Variants in RFX2 observed in about 807,000 individuals in gnomAD.
The protein encoded by RFX2 is DNA-binding protein RFX2.
RFX2 carries 20 observed loss-of-function variants against 87.8 expected under a neutral mutation model. The ratio of observed to expected loss-of-function variants is 0.23; its 90% CI spans 0.16 to 0.33. The LOEUF is 0.33. Ranked by LOEUF, RFX2 falls within the 10% of genes least tolerant of loss-of-function variation. The pLI, the probability that RFX2 is intolerant of heterozygous loss-of-function variation, is 1.00. For missense variants in RFX2, 767 were observed against 1,012.3 expected, an observed-to-expected ratio of 0.76 and a Z score of 3.29; for synonymous variants, 397 against 431.3, an observed-to-expected ratio of 0.92 and a Z score of 0.98.
Position 6,064,177 on chromosome 19 carries a change from C to A in RFX2, c.-8-16673G>T, listed in dbSNP as rs369974951. Among the ~76,000 whole-genome samples, 7 of 152,324 alleles carry A rather than the reference C, an allele frequency of 4.6e-5. No individual in the cohort carries two copies. In the South Asian group the frequency reaches 8.3e-4, roughly 18 times the overall value. On this transcript the variant is annotated intron_variant, in intron 1 of 17. Coordinates refer to ENST00000303657, the MANE Select transcript of RFX2 (RefSeq NM_000635.4). The surrounding 1 kb of genome is among the most constrained non-coding windows in gnomAD (Gnocchi z 4.8). ...GCAATGAACAAGAGAATGAGCAGCC[C>A]GCCTGCTCCGGGCTGCTCACCTGTT...
intron 5 of RFX2, among the ~76,000 whole-genome samples, chr19:6,038,833 G>A (rs2087060840): frequency 6.6e-6 from 1 of 152,228 alleles, no homozygotes; most frequent in Non-Finnish European, 1.5e-5. Flanking sequence ...AAATGCTGCT[G>A]ACGGAGAGGA....
At chr19:6,108,617 GCCT>G (rs1365136920) in intron 1 of RFX2, among the ~76,000 whole-genome samples, 1 of 152,176 alleles carries the variant, frequency 6.6e-6, no homozygotes, top group Non-Finnish European at 1.5e-5. Context: ...ACTCATCGAA[GCCT>G]GCGCTGGTCA....
intron 17 of RFX2, among the ~76,000 whole-genome samples, chr19:5,995,266 C>T (rs1030083329): frequency 2.6e-5 from 4 of 152,150 alleles, no homozygotes; most frequent in African/African-American, 4.8e-5. Context: ...GGGACAGAGA[C>T]GGGGCCCGGG....
chr19:6,000,728 C>A (rs1481723103), intron 15 of RFX2, among the ~76,000 whole-genome samples: 1 of 152,220 alleles, frequency 6.6e-6, no homozygotes, highest in East Asian at 1.9e-4. Flanking sequence ...AACTGTGAGT[C>A]CATTCAACCT....
intron 1 of RFX2, among the ~76,000 whole-genome samples, chr19:6,078,904 T>G (rs2087734805): frequency 6.6e-6 from 1 of 152,214 alleles, no homozygotes; most frequent in Non-Finnish European, 1.5e-5. Flanking sequence ...GCCTCCCAAG[T>G]AGCTGGGATT....
intron 12 of RFX2, among the ~76,000 whole-genome samples, chr19:6,006,449 A>G (rs1377800523): frequency 7.1e-6 from 1 of 141,602 alleles, no homozygotes; most frequent in Non-Finnish European, 1.5e-5. Context: ...ACACACCACC[A>G]TGCCCAGCTC....
At chr19:6,042,934 A>C (rs2087131793) in intron 3 of RFX2, among the ~76,000 whole-genome samples, 1 of 152,192 alleles carries the variant, frequency 6.6e-6, no homozygotes, top group African/African-American at 2.4e-5. Flanking sequence ...AGGGCCACAG[A>C]AGTGGGCTTG....
intron 1 of RFX2, among the ~76,000 whole-genome samples, chr19:6,077,655 C>A (rs1037718548): frequency 2.0e-5 from 3 of 152,166 alleles, no homozygotes; most frequent in Non-Finnish European, 2.9e-5. Flanking sequence ...CCCAAAGTAG[C>A]AACAGCCCAA....
chr19:6,042,482 T>C (rs887928433), intron 3 of RFX2, among the ~76,000 whole-genome samples: 17 of 151,672 alleles, frequency 1.1e-4, no homozygotes, highest in African/African-American at 4.1e-4. Context: ...CTCACAGGAC[T>C]GTCCCTGGTT....
At chr19:6,082,049 T>G (rs899989597) in intron 1 of RFX2, among the ~76,000 whole-genome samples, 1 of 152,132 alleles carries the variant, frequency 6.6e-6, no homozygotes, top group Admixed American at 6.5e-5. Flanking sequence ...ATCATGCCAC[T>G]GCACTCCAGC....
chr19:5,995,984 G>A lies in RFX2; in HGVS notation c.2014-341C>T, dbSNP rs115543447. Among the ~76,000 whole-genome samples the A allele has an allele frequency of 6.2e-3, 945 of 152,340 alleles. 13 individuals carry two copies. The highest frequency in any genetic ancestry group is 0.022 in the African/African-American group (910 of 41,564). On this transcript the variant is annotated intron_variant, in intron 16 of 17. Coordinates refer to ENST00000303657, the MANE Select transcript of RFX2 (RefSeq NM_000635.4). ...GGCCAAATTATCTTTGCTCCCTGAA[G>A]TCTGTACACAGCAGGAAAACCACTC...
rs78954736 is a variant in RFX2 at position 6,064,591 on chromosome 19, C to T, written c.-8-17087G>A. Among the ~76,000 whole-genome samples, 2 of 152,298 alleles carry T rather than the reference C, an allele frequency of 1.3e-5. No homozygotes were observed. Among genetic ancestry groups the T allele is most frequent in the East Asian group, 1.9e-4 (1 of 5,184 alleles). ...GCTTTCTCAGCCTGGTGACCTGACCCGGCAGCACGCCCACTGGGCACCTGT... is the reference window on the plus strand; with the variant it reads ...GCTTTCTCAGCCTGGTGACCTGACCTGGCAGCACGCCCACTGGGCACCTGT... On this transcript the variant is annotated intron_variant, in intron 1 of 17. Coordinates refer to ENST00000303657, the MANE Select transcript of RFX2 (RefSeq NM_000635.4). This position sits in a 1 kb window ranked among gnomAD's most constrained non-coding sequence, Gnocchi z 4.8.
In RFX2 at chr19:6,001,874, G is replaced by A. The variant is rs904512856; in HGVS notation, c.1800C>T (p.Ala600=). The change falls in exon 15 of 18, where the codon GCC becomes GCT. Residue 600 remains alanine (A), a synonymous_variant. Transcript: ENST00000303657. The surrounding 1 kb of genome is among the most constrained non-coding windows in gnomAD (Gnocchi z 5.6). The stretch of plus-strand genomic sequence containing the variant: ...CGGCCTTGGGGAAGCTGGGGCTGCC[G>A]GCATGCTGCTTCAGGACCTGGGTGA... ...SVVTQVLKQH[A]GSPSFPKAAR... is the part of the protein sequence containing the mutation. The A allele has an allele frequency of 6.8e-6, 11 of 1,613,062 alleles. No homozygotes were observed. Among genetic ancestry groups the A allele is most frequent in the South Asian group, 2.2e-5 (2 of 90,976 alleles).
Position 6,001,957 on chromosome 19 carries a change from G to T in RFX2, c.1717C>A (p.Leu573Met), listed in dbSNP as rs2086495291. Reference protein sequence around the residue: ...VVQRLEQDFKLTLQQQSSLDQ... With the variant: ...VVQRLEQDFKMTLQQQSSLDQ... ...AGGGAGCTCTGCTGCTGCAGGGTCA[G>T]CTTGAAATCCTGCTCCAGCCGCTGC... is the stretch of plus-strand genomic sequence containing the variant. Residue 573 changes from leucine to methionine, a missense_variant, in exon 15 of 18, where the codon CTG (leucine) becomes ATG (methionine). Leu to Met is a conservative substitution (Grantham distance 15). Around this residue, in one of 2 missense-constraint regions of RFX2, gnomAD observed 621 missense variants for 873.0 expected, o/e 0.71. Transcript: ENST00000303657. This position sits in a 1 kb window ranked among gnomAD's most constrained non-coding sequence, Gnocchi z 5.6. The T allele has an allele frequency of 3.1e-6, 5 of 1,612,344 alleles. No homozygotes were observed. The African/African-American group carries it at 5.3e-5, about 17-fold the overall frequency.
chr19:6,052,753 A>C (rs1382025851), intron 1 of RFX2, among the ~76,000 whole-genome samples: 1 of 152,204 alleles, frequency 6.6e-6, no homozygotes, highest in Non-Finnish European at 1.5e-5. Flanking sequence ...AAAAATGCCA[A>C]ATATTTAGAA....
intron 6 of RFX2, among the ~76,000 whole-genome samples, chr19:6,019,083 C>T (rs543722436): frequency 2.0e-5 from 3 of 151,970 alleles, no homozygotes; most frequent in East Asian, 3.9e-4. Flanking sequence ...TGCAGGTGAT[C>T]GTTAGCAGTT....
In RFX2 at chr19:6,026,277, GAAAAA is replaced by G; in HGVS notation, c.523-45_523-41del. ...TGCAGAAACAAAACAAAACAAAATGGAAAAAAAAAAAAAGGAAATCAGATGGTTAG... is the reference window on the plus strand; with the variant it reads ...TGCAGAAACAAAACAAAACAAAATGGAAAAAAAAGGAAATCAGATGGTTAG... On this transcript the variant is annotated intron_variant, in intron 5 of 17. Transcript: ENST00000303657. This position sits in a 1 kb window ranked among gnomAD's most constrained non-coding sequence, Gnocchi z 4.5. 8.4e-7 allele frequency: 1 copy of G among 1,194,580 alleles called. No homozygotes were observed. The allele number at this position is 1,194,580 out of a possible 1,614,324, so 74.0% of individuals were successfully genotyped here. A position where few individuals can be genotyped will look rare whatever the true frequency, so the allele number is the denominator to read the frequency against.
In RFX2 at chr19:6,012,217, A is replaced by G. The variant is rs1331165178; in HGVS notation, c.899+769T>C. ...ATAACCAGGGCTTTCCAGCCACTGG[A>G]TCCAAAGGTGAAGAAGAAGTCGTGA... On this transcript the variant is annotated intron_variant, in intron 8 of 17. Coordinates refer to ENST00000303657, the MANE Select transcript of RFX2 (RefSeq NM_000635.4). This position sits in a 1 kb window ranked among gnomAD's most constrained non-coding sequence, Gnocchi z 4.6. 6.6e-6 allele frequency: 1 copy of G among 152,256 alleles called. No homozygotes were observed. Among genetic ancestry groups the G allele is most frequent in the East Asian group, 1.9e-4 (1 of 5,204 alleles). 9.4% of individuals were successfully genotyped at this position (152,256 alleles called of 1,614,324 possible).
intron 5 of RFX2, among the ~76,000 whole-genome samples, chr19:6,034,734 C>T (rs1196423596): frequency 2.0e-5 from 3 of 152,158 alleles, no homozygotes; most frequent in Non-Finnish European, 4.4e-5. Context: ...CTGATTCTGT[C>T]ATGAGCTGTG....
Sources: gnomAD v4.1 joint callset for allele counts (sites outside exome capture counted in the v4.1 genomes callset) on GRCh38, gnomAD v4.1.1 for gene constraint, gnomAD v4.1.1 regional missense constraint, Gnocchi (gnomAD v3.1) non-coding constraint, MANE v1.5 for transcripts, NCBI Gene and HGNC (gene_info 2026-07-23, HGNC 2026-07-21) for gene names.